Variants in USH2A observed in about 807,000 individuals in gnomAD.
USH2A encodes Usher syndrome 2A (autosomal recessive, mild).
Under a neutral mutation model 538.9 loss-of-function variants are expected in USH2A, and 443 were observed. The observed-to-expected ratio is 0.82, with a 90% CI of 0.76 to 0.89. USH2A has a LOEUF of 0.89. Ranked by LOEUF, USH2A falls within the 40% of genes least tolerant of loss-of-function variation. USH2A has a pLI of 0.00. For missense variants in USH2A, 6,633 were observed against 6,324.8 expected (o/e 1.05, Z -1.65); for synonymous variants, 2,413 against 2,273.5 (o/e 1.06, Z -1.75).
At chr1:216,358,463 A>T (rs2038427842) in intron 4 of USH2A, among the ~76,000 whole-genome samples, 1 of 152,110 alleles carries the variant, frequency 6.6e-6, no homozygotes, top group Non-Finnish European at 1.5e-5. Context: ...GAGGACAGTG[A>T]CTTAATTTTT....
chr1:216,371,657 T>C (rs899457884), intron 3 of USH2A, among the ~76,000 whole-genome samples: 1 of 152,212 alleles, frequency 6.6e-6, no homozygotes, highest in African/African-American at 2.4e-5. Context: ...TGCTCCGAGC[T>C]GTCAAAATCT....
At chr1:216,387,526 T>C (rs1159039746) in intron 3 of USH2A, among the ~76,000 whole-genome samples, 1 of 152,210 alleles carries the variant, frequency 6.6e-6, no homozygotes, top group Non-Finnish European at 1.5e-5. Context: ...ATGCTGAACG[T>C]TTTGTAATTA....
At chr1:215,714,582 G>T (rs1272649952) in intron 61 of USH2A, among the ~76,000 whole-genome samples, 1 of 152,000 alleles carries the variant, frequency 6.6e-6, no homozygotes, top group Non-Finnish European at 1.5e-5. Context: ...TAGTTTAAAG[G>T]GCAATTTATA....
At chr1:216,007,960 T>G (rs1408812139) in intron 32 of USH2A, among the ~76,000 whole-genome samples, 2 of 152,242 alleles carry the variant, frequency 1.3e-5, no homozygotes, top group Non-Finnish European at 2.9e-5. Flanking sequence ...GACTGAAATT[T>G]ATGAATGCCA....
At position 215,758,682 on chromosome 1, in the gene USH2A, G is replaced by T. The variant is rs774438127; in HGVS notation, c.11302C>A (p.Pro3768Thr). The change falls in exon 58 of 72, where the codon CCT becomes ACT. Residue 3768 changes from proline (P) to threonine (T), a missense_variant. Coordinates refer to ENST00000307340, the MANE Select transcript of USH2A (RefSeq NM_206933.4). Reference protein sequence around the residue: ...SASDDYIVQTPMSTPEEIYPP... With the variant: ...SASDDYIVQTTMSTPEEIYPP... ...TAGATTTCTTCTGGTGTTGACATAG[G>T]TGTTTGAACAATGTAATCATCACTA... is the stretch of plus-strand genomic sequence containing the variant. 2.5e-6 allele frequency: 4 copies of T among 1,613,570 alleles called. No homozygotes were observed. In the South Asian group the frequency reaches 4.4e-5, roughly 18 times the overall value.
At chr1:216,410,188 G>T (rs1571792386) in intron 3 of USH2A, among the ~76,000 whole-genome samples, 1 of 151,740 alleles carries the variant, frequency 6.6e-6, no homozygotes, top group Admixed American at 6.6e-5. Context: ...TTATTAAAAA[G>T]TCAAGAAACA....
chr1:215,680,690 C>T (rs1367824623), intron 61 of USH2A, among the ~76,000 whole-genome samples: 3 of 151,896 alleles, frequency 2.0e-5, no homozygotes, highest in African/African-American at 7.3e-5. Flanking sequence ...AAACATGATG[C>T]TTCAGATCAG....
rs1247908427 is a variant in USH2A, at chr1:216,000,297, T to C, written c.6485+106A>G. The C allele has an allele frequency of 1.1e-5, 16 of 1,474,840 alleles. No homozygotes were observed. The South Asian group carries it at 1.7e-4, about 16-fold the overall frequency. The allele number at this position is 1,474,840 out of a possible 1,614,324, so 91.4% of individuals were successfully genotyped here. On this transcript the variant is annotated intron_variant, in intron 33 of 71. Transcript: ENST00000307340. ...CCACTGAACTAATCACTTCTATGCATTTAATCACAATAAAATTAATTTTAT... is the reference window on the plus strand; with the variant it reads ...CCACTGAACTAATCACTTCTATGCACTTAATCACAATAAAATTAATTTTAT...
chr1:215,640,830 CG>C, intron 67 of USH2A, 96 bp from the exon 68 acceptor site: 2 of 1,093,286 alleles, frequency 1.8e-6, no homozygotes, highest in Non-Finnish European at 2.6e-6. Flanking sequence ...AAAATCAAAC[CG>C]AACCAATCCA....
intron 21 of USH2A, chr1:216,174,520 C>T (rs1342588838): frequency 1.0e-6 from 1 of 984,988 alleles, no homozygotes. Context: ...TTTATTTAAG[C>T]TTTTGATAAT....
At chr1:215,785,840 T>C (rs1408838965) in intron 52 of USH2A, among the ~76,000 whole-genome samples, 5 of 151,942 alleles carry the variant, frequency 3.3e-5, no homozygotes, top group Non-Finnish European at 5.9e-5. Context: ...TGATTCATGA[T>C]GGAATGGAGC....
At chr1:216,012,175 A>G (rs1284408366) in intron 32 of USH2A, among the ~76,000 whole-genome samples, 4 of 137,812 alleles carry the variant, frequency 2.9e-5, no homozygotes, top group Non-Finnish European at 3.1e-5. Context: ...AGGCCTAATC[A>G]TCACACACCA....
chr1:216,395,551 A>G (rs17658056), intron 3 of USH2A, among the ~76,000 whole-genome samples: 5,258 of 152,328 alleles, frequency 0.035, 125 homozygotes, highest in Middle Eastern at 0.078. Context: ...TCTTCTGTAC[A>G]GGTATGGTAT....
At chr1:215,902,215 T>C (rs1023974975) in intron 38 of USH2A, among the ~76,000 whole-genome samples, 1 of 152,056 alleles carries the variant, frequency 6.6e-6, no homozygotes, top group Non-Finnish European at 1.5e-5. Flanking sequence ...AATATCAGGG[T>C]CCATTTTCAA....
chr1:215,697,865 A>C (rs1258869082), intron 61 of USH2A, among the ~76,000 whole-genome samples: 7 of 152,134 alleles, frequency 4.6e-5, no homozygotes, highest in Non-Finnish European at 1.0e-4. Flanking sequence ...TCTGGGATAC[A>C]TGTGCAGAAC....
chr1:216,197,920 A>C (rs1312135189), intron 18 of USH2A, among the ~76,000 whole-genome samples: 2 of 152,146 alleles, frequency 1.3e-5, no homozygotes, highest in East Asian at 3.9e-4. Flanking sequence ...AACAAAGACA[A>C]ATTTGTGGAA....
intron 55 of USH2A, among the ~76,000 whole-genome samples, chr1:215,773,434 T>C (rs1426516050): frequency 6.6e-6 from 1 of 152,012 alleles, no homozygotes; most frequent in Admixed American, 6.6e-5. Flanking sequence ...CCAGCCTGCC[T>C]GTAAAATCTG....
chr1:216,386,831 G>A (rs2039016900), intron 3 of USH2A, among the ~76,000 whole-genome samples: 1 of 152,034 alleles, frequency 6.6e-6, no homozygotes, highest in Non-Finnish European at 1.5e-5. Context: ...ATCCAGCCTG[G>A]GCGACAGAGT....
At position 215,743,166 on chromosome 1, in the gene USH2A, A is replaced by C. The variant is rs190536383; in HGVS notation, c.11548+11T>G. The C allele has an allele frequency of 4.2e-5, 68 of 1,607,608 alleles. No homozygotes were observed. In the Admixed American group the frequency reaches 4.7e-4, roughly 11 times the overall value. ...ATAAAAGCCCAGGCCAAGTGTCTGA[A>C]AGACTTTCACCATTTTGACATGCTT... On this transcript the variant is annotated intron_variant, in intron 59 of 71. Transcript: ENST00000307340.
Sources: allele counts gnomAD v4.1 joint callset (sites outside exome capture counted in the v4.1 genomes callset), GRCh38; gene constraint gnomAD v4.1.1; transcripts MANE v1.5; gene names NCBI Gene and HGNC (gene_info 2026-07-23, HGNC 2026-07-21).